Variants in ZNF564 observed in about 807,000 individuals in gnomAD.
ZNF564 encodes zinc finger protein 564.
In ZNF564, 5 loss-of-function variants were observed where a neutral mutation model predicts 10.5. The observed-to-expected ratio is 0.48, with a 90% CI of 0.25 to 1.00. ZNF564 has a LOEUF of 1.00. ZNF564 is among the 50% of genes least tolerant of loss of function. The pLI is 0.16. For synonymous variants in ZNF564, 242 were observed against 218.1 expected, an observed-to-expected ratio of 1.11 and a Z score of -0.97; for missense variants, 603 against 669.7, an observed-to-expected ratio of 0.90 and a Z score of 1.10.
intron 1 of ZNF564, among the ~76,000 whole-genome samples, chr19:12,550,960 G>A (rs891235016): frequency 2.6e-5 from 4 of 152,228 alleles, no homozygotes; most frequent in Non-Finnish European, 5.9e-5. Context: ...GATGTACTGG[G>A]AAGGCCACAG....
At chr19:12,539,533 T>C (rs889648849) in intron 1 of ZNF564, among the ~76,000 whole-genome samples, 1 of 140,122 alleles carries the variant, frequency 7.1e-6, no homozygotes, top group Non-Finnish European at 1.5e-5. Context: ...TAGGGCAAGG[T>C]GGCACGTACC....
rs73497713 is a variant in ZNF564 at position 12,542,638 on chromosome 19, G to A, written c.3+8692C>T. On this transcript the variant is annotated intron_variant, in intron 1 of 3. Transcript: ENST00000339282. ...CATCTCAAGGAAGAAAGGAAGGAAA[G>A]AAAGGGAAAGGAAGAAAGAAAAGAA... 9.7e-3 allele frequency among the ~76,000 whole-genome samples: 1,082 copies of A among 111,262 alleles called. 13 individuals carry two copies. Among genetic ancestry groups the A allele is most frequent in the African/African-American group, 0.038 (1,023 of 26,872 alleles). The allele number at this position is 111,262 out of a possible 152,430, so 73.0% of individuals were successfully genotyped here. A position where few individuals can be genotyped will look rare whatever the true frequency, so the allele number is the denominator to read the frequency against.
intron 1 of ZNF564, among the ~76,000 whole-genome samples, chr19:12,538,566 A>G (rs1197621525): frequency 6.6e-6 from 1 of 152,124 alleles, no homozygotes; most frequent in Non-Finnish European, 1.5e-5. Flanking sequence ...CGGAGGTTGC[A>G]GTGAGCCAAG....
At chr19:12,539,994 AG>A (rs1270705198) in intron 1 of ZNF564, among the ~76,000 whole-genome samples, 5 of 152,072 alleles carry the variant, frequency 3.3e-5, no homozygotes, top group African/African-American at 1.2e-4. Context: ...AAAAAAAAAA[AG>A]AAAAAAGAAA....
At position 12,543,162 on chromosome 19, in the gene ZNF564, C is replaced by T. The variant is rs527534607; in HGVS notation, c.3+8168G>A. ...TAAAAATACAAAAAAATTAGTCAGG[C>T]GTGGTGGGGTGCACCTGTAATCCCA... On this transcript the variant is annotated intron_variant, in intron 1 of 3. Transcript: ENST00000339282. Among the ~76,000 whole-genome samples, 483 of 150,506 alleles carry T rather than the reference C, an allele frequency of 3.2e-3. 4 individuals are homozygous for T. The highest frequency in any genetic ancestry group is 0.011 in the African/African-American group (460 of 40,890).
chr19:12,551,217 G>C (rs2022253003), intron 1 of ZNF564, 113 bp downstream of exon 1: 3 of 1,277,486 alleles, frequency 2.3e-6, no homozygotes, highest in Non-Finnish European at 2.2e-6. Flanking sequence ...AGGGAACTCG[G>C]GTCCCAGACC....
chr19:12,538,059 C>T (rs1041305002), intron 1 of ZNF564, among the ~76,000 whole-genome samples: 1 of 151,708 alleles, frequency 6.6e-6, no homozygotes, highest in East Asian at 1.9e-4. Context: ...TAAAAGTTAA[C>T]TAAGTCTCAA....
At chr19:12,533,706 G>A (rs1401876445) in intron 1 of ZNF564, among the ~76,000 whole-genome samples, 3 of 109,418 alleles carry the variant, frequency 2.7e-5, no homozygotes, top group African/African-American at 3.6e-5. Flanking sequence ...CAGCCTGGGC[G>A]ACACAGCAGG....
intron 1 of ZNF564, among the ~76,000 whole-genome samples, chr19:12,549,212 C>T (rs562666381): frequency 6.6e-6 from 1 of 152,140 alleles, no homozygotes. Context: ...GTCTTTCAAG[C>T]ACTACTGATA....
chr19:12,534,237 C>T (rs1206746730), intron 1 of ZNF564, among the ~76,000 whole-genome samples: 1 of 151,874 alleles, frequency 6.6e-6, no homozygotes, highest in African/African-American at 2.4e-5. Flanking sequence ...AAAAGTATAT[C>T]GATTTAGAAG....
chr19:12,548,126 G>A, intron 1 of ZNF564: 1 of 978,138 alleles, frequency 1.0e-6, no homozygotes, highest in Non-Finnish European at 1.2e-6. Context: ...TTTTAAGTAA[G>A]AAAATATCCT....
chr19:12,546,383 G>A (rs1355561797), intron 1 of ZNF564, among the ~76,000 whole-genome samples: 3 of 152,252 alleles, frequency 2.0e-5, no homozygotes, highest in Non-Finnish European at 1.5e-5. Flanking sequence ...GCATACTGCG[G>A]GGGAAAAAAC....
chr19:12,530,282 GACTC>G (rs2021776947), intron 1 of ZNF564: 1 of 152,162 alleles, frequency 6.6e-6, no homozygotes, highest in African/African-American at 2.4e-5. Flanking sequence ...ATTTGTTATA[GACTC>G]ACTGATTCCT....
At chr19:12,536,011 CAA>C (rs5827154) in intron 1 of ZNF564, among the ~76,000 whole-genome samples, 117 of 110,672 alleles carry the variant, frequency 1.1e-3, no homozygotes, top group Admixed American at 1.2e-3. Flanking sequence ...GACTCCGTCT[CAA>C]AAAAAAAAAA....
chr19:12,537,687 G>A (rs1206097378), intron 1 of ZNF564, among the ~76,000 whole-genome samples: 3 of 145,478 alleles, frequency 2.1e-5, no homozygotes, highest in Non-Finnish European at 4.5e-5. Context: ...GCGGTGAGCC[G>A]AGATTTCGCC....
In ZNF564 at chr19:12,527,371, C is replaced by G. The variant is rs373057049; in HGVS notation, c.737G>C (p.Arg246Thr). Reference protein sequence around the residue: ...SLPSFQRHMIRHTGDGPYKCQ... With the variant: ...SLPSFQRHMITHTGDGPYKCQ... The stretch of plus-strand genomic sequence containing the variant: ...TTTATAAGGTCCATCTCCAGTGTGC[C>G]TAATCATGTGTCTTTGAAAACTTGG... Residue 246 changes from arginine (R) to threonine (T), a missense_variant, in exon 4 of 4, where the codon AGG becomes ACG. Physicochemically the swap from Arg to Thr is moderately conservative, Grantham distance 71. Coordinates refer to ENST00000339282, the MANE Select transcript of ZNF564 (RefSeq NM_144976.4). 2 of 1,611,524 alleles carry G rather than the reference C, an allele frequency of 1.2e-6. No homozygotes were observed.
chr19:12,546,184 A>G (rs1257661300), intron 1 of ZNF564, among the ~76,000 whole-genome samples: 1 of 152,204 alleles, frequency 6.6e-6, no homozygotes, highest in African/African-American at 2.4e-5. Flanking sequence ...AAGAAGCCAA[A>G]GGTGTCTTTC....
Position 12,527,266 on chromosome 19 carries a change from T to G in ZNF564, c.842A>C (p.His281Pro). Residue 281 changes from histidine to proline, a missense_variant, in exon 4 of 4, where the codon CAT becomes CCT. His to Pro is a moderately conservative substitution (Grantham distance 77, BLOSUM62 -2). Transcript: ENST00000339282. Reference protein sequence around the residue: ...HERTHTGEKPHECKQCGKAFI... With the variant: ...HERTHTGEKPPECKQCGKAFI... The stretch of plus-strand genomic sequence containing the variant: ...GGCCTTCCCACACTGTTTACATTCA[T>G]GGGGTTTCTCTCCAGTATGAGTTCT... 6.2e-7 allele frequency: 1 copy of G among 1,614,176 alleles called. No individual in the cohort carries two copies. Among genetic ancestry groups the G allele is most frequent in the Non-Finnish European group, 8.5e-7 (1 of 1,180,032 alleles).
chr19:12,531,658 G>C lies in ZNF564; in HGVS notation c.4-2962C>G, dbSNP rs192279916. On this transcript the variant is annotated intron_variant, in intron 1 of 3. Transcript: ENST00000339282. Reference sequence around the variant, plus strand: ...CAATACCACAGAAGGCCACAACCCAGGCCAGGAACAAAGGCTCACTAACAA... The same window carrying C: ...CAATACCACAGAAGGCCACAACCCACGCCAGGAACAAAGGCTCACTAACAA... Among the ~76,000 whole-genome samples the C allele has an allele frequency of 4.3e-4, 65 of 151,996 alleles. 1 individual carries two copies. Among genetic ancestry groups the C allele is most frequent in the African/African-American group, 1.5e-3 (64 of 41,466 alleles).
Sources: gnomAD v4.1 joint callset for allele counts (sites outside exome capture counted in the v4.1 genomes callset) on GRCh38, gnomAD v4.1.1 for gene constraint, MANE v1.5 for transcripts, NCBI Gene and HGNC (gene_info 2026-07-23, HGNC 2026-07-21) for gene names.